GPC5: variants seen among roughly 807,000 people sequenced by gnomAD.
The protein encoded by GPC5 is glypican 5.
Under a neutral mutation model 53.9 loss-of-function variants are expected in GPC5, and 47 were observed. That is an observed-to-expected ratio of 0.87 (90% CI 0.69 to 1.11). GPC5 has a LOEUF of 1.11. Ranked by LOEUF, GPC5 falls within the 50% of genes most tolerant of loss-of-function variation. The probability of loss-of-function intolerance (pLI) is 0.00; values close to 1 mark genes in which losing one functional copy is unlikely to be tolerated. For missense variants in GPC5, 748 were observed against 713.1 expected (o/e 1.05, Z -0.56); for synonymous variants, 286 against 263.3 (o/e 1.09, Z -0.84).
chr13:92,693,004 T>G (rs1887457825), intron 7 of GPC5, among the ~76,000 whole-genome samples: 2 of 151,710 alleles, frequency 1.3e-5, no homozygotes. Context: ...AATGAGTGGG[T>G]TCTAATAATA....
rs1555302889 is a variant in GPC5 at position 92,685,543 on chromosome 13, C to CATTTTTTTTTTTTA, written c.1562-180726_1562-180725insAATTTTTTTTTTTT. On this transcript the variant is annotated intron_variant, in intron 7 of 7. Transcript: ENST00000377067. ...CAAGTTATTTATGAAAAATTATGCT[C>CATTTTTTTTTTTTA]ATTTTTTTTTTTTTTAATTTTTTTT... Among the ~76,000 whole-genome samples, 24 of 65,014 alleles carry CATTTTTTTTTTTTA rather than the reference C, an allele frequency of 3.7e-4. 1 individual carries two copies. The highest frequency in any genetic ancestry group is 1.9e-3 in the East Asian group (3 of 1,556). 42.7% of individuals were successfully genotyped at this position (65,014 alleles called of 152,430 possible). A position where few individuals can be genotyped will look rare whatever the true frequency, so the allele number is the denominator to read the frequency against.
chr13:92,032,787 A>G (rs370019882), intron 6 of GPC5, among the ~76,000 whole-genome samples: 4 of 152,088 alleles, frequency 2.6e-5, no homozygotes, highest in East Asian at 3.9e-4. Flanking sequence ...GGAGGCCCAC[A>G]TTGTCTGTTT....
intron 7 of GPC5, among the ~76,000 whole-genome samples, chr13:92,351,872 A>C (rs1209896489): frequency 6.6e-6 from 1 of 152,232 alleles, no homozygotes; most frequent in Non-Finnish European, 1.5e-5. Flanking sequence ...GGGCAAGATG[A>C]CAATAGTGTG....
chr13:91,641,066 G>A (rs2034415360), intron 2 of GPC5, among the ~76,000 whole-genome samples: 1 of 152,150 alleles, frequency 6.6e-6, no homozygotes, highest in Admixed American at 6.5e-5. Context: ...AGTGGCTCAC[G>A]CCTGTAATCC....
chr13:92,090,074 G>T (rs1025737334), intron 6 of GPC5, among the ~76,000 whole-genome samples: 4 of 152,160 alleles, frequency 2.6e-5, no homozygotes, highest in Non-Finnish European at 5.9e-5. Context: ...GCTTTTATAT[G>T]AAAAGTACTG....
intron 1 of GPC5, among the ~76,000 whole-genome samples, chr13:91,430,564 C>A (rs1277003218): frequency 6.6e-6 from 1 of 152,126 alleles, no homozygotes; most frequent in Non-Finnish European, 1.5e-5. Flanking sequence ...CTACTTGAGG[C>A]AGAGTTTTTG....
chr13:92,317,517 G>A (rs1014179838), intron 7 of GPC5, among the ~76,000 whole-genome samples: 27 of 151,544 alleles, frequency 1.8e-4, no homozygotes, highest in Admixed American at 6.6e-5. Flanking sequence ...TTTTTGAGAC[G>A]CAATCTCACT....
intron 5 of GPC5, among the ~76,000 whole-genome samples, chr13:91,905,217 A>T (rs2039540589): frequency 6.6e-6 from 1 of 152,028 alleles, no homozygotes; most frequent in Non-Finnish European, 1.5e-5. Flanking sequence ...TGTGCAATCT[A>T]CTTAGGATAT....
At chr13:92,169,958 AT>A (rs2042057657) in intron 7 of GPC5, among the ~76,000 whole-genome samples, 2 of 152,078 alleles carry the variant, frequency 1.3e-5, no homozygotes, top group African/African-American at 4.8e-5. Context: ...TTAAAATATT[AT>A]TTTTATATAT....
intron 7 of GPC5, among the ~76,000 whole-genome samples, chr13:92,567,144 T>A (rs1485720913): frequency 6.6e-6 from 1 of 152,106 alleles, no homozygotes; most frequent in East Asian, 1.9e-4. Context: ...GGACAGTTAT[T>A]TCCTTAAAGG....
intron 7 of GPC5, among the ~76,000 whole-genome samples, chr13:92,461,099 G>A: frequency 6.6e-6 from 1 of 151,898 alleles, no homozygotes; most frequent in East Asian, 1.9e-4. Flanking sequence ...AGCATCAGGA[G>A]AATAAAAAAT....
At chr13:92,021,736 C>G (rs964988876) in intron 6 of GPC5, among the ~76,000 whole-genome samples, 2 of 152,138 alleles carry the variant, frequency 1.3e-5, no homozygotes, top group Admixed American at 1.3e-4. Context: ...ATTTATCTAT[C>G]TGGGTTTTAA....
chr13:92,582,094 G>A (rs1163443657), intron 7 of GPC5, among the ~76,000 whole-genome samples: 2 of 151,888 alleles, frequency 1.3e-5, no homozygotes, highest in African/African-American at 4.8e-5. Flanking sequence ...GTACTTTTGA[G>A]GCCAAATCTA....
chr13:92,619,740 T>C (rs1049889050), intron 7 of GPC5, among the ~76,000 whole-genome samples: 1 of 151,974 alleles, frequency 6.6e-6, no homozygotes, highest in Non-Finnish European at 1.5e-5. Flanking sequence ...CCAGGGTTGG[T>C]TGGTAGTCAG....
At chr13:92,037,915 A>G (rs79063471) in intron 6 of GPC5, among the ~76,000 whole-genome samples, 4,300 of 152,266 alleles carry the variant, frequency 0.028, 92 homozygotes, top group Middle Eastern at 0.075. Context: ...TTTCAGGAGA[A>G]TCATAGGACC....
In GPC5 at chr13:91,737,947, A is replaced by G. The variant is rs1160478511; in HGVS notation, c.1154+9282A>G. Among the ~76,000 whole-genome samples the G allele has an allele frequency of 5.9e-5, 9 of 151,396 alleles. No individual in the cohort carries two copies. The East Asian group carries it at 1.5e-3, about 26-fold the overall frequency. Reference sequence around the variant, plus strand: ...ACATATATAGGAATGGGAGTCCCACAAAAATATGGGGCTTAAGGAAAGGCC... The same window carrying G: ...ACATATATAGGAATGGGAGTCCCACGAAAATATGGGGCTTAAGGAAAGGCC... On this transcript the variant is annotated intron_variant, in intron 4 of 7. Coordinates refer to ENST00000377067, the MANE Select transcript of GPC5 (RefSeq NM_004466.6).
chr13:91,879,589 G>A (rs1451549874), intron 5 of GPC5, among the ~76,000 whole-genome samples: 1 of 152,086 alleles, frequency 6.6e-6, no homozygotes, highest in Non-Finnish European at 1.5e-5. Flanking sequence ...GGAGTTCTAT[G>A]GAGCTGCTTT....
intron 7 of GPC5, among the ~76,000 whole-genome samples, chr13:92,237,152 A>G (rs1306866784): frequency 1.3e-5 from 2 of 152,156 alleles, no homozygotes; most frequent in African/African-American, 4.8e-5. Context: ...AAATCACTTT[A>G]GCTTTTGCTT....
At chr13:92,323,535 T>C (rs2043230023) in intron 7 of GPC5, among the ~76,000 whole-genome samples, 1 of 151,858 alleles carries the variant, frequency 6.6e-6, no homozygotes, top group East Asian at 1.9e-4. Flanking sequence ...AATGTAGGCA[T>C]ATATAATATA....
Sources: gnomAD v4.1 joint callset for allele counts (sites outside exome capture counted in the v4.1 genomes callset) on GRCh38, gnomAD v4.1.1 for gene constraint, MANE v1.5 for transcripts, NCBI Gene and HGNC (gene_info 2026-07-23, HGNC 2026-07-21) for gene names.